Variants in GDPD1 observed in about 807,000 individuals in gnomAD.
GDPD1 encodes the protein lysophospholipase D GDPD1.
A neutral mutation model predicts 45.1 loss-of-function variants in GDPD1; 28 were observed. The ratio of observed to expected loss-of-function variants is 0.62; its 90% confidence interval spans 0.46 to 0.85. The LOEUF is 0.85. Among genes scored for constraint, GDPD1 ranks in the 40% least tolerant of loss-of-function variants. The pLI is 0.00. For synonymous variants in GDPD1, 139 were observed against 131.4 expected, an observed-to-expected ratio of 1.06 and a Z score of -0.40; for missense variants, 256 against 364.8, an observed-to-expected ratio of 0.70 and a Z score of 2.43.
At chr17:59,230,532 G>A (rs566566557) in intron 1 of GDPD1, among the ~76,000 whole-genome samples, 28 of 151,744 alleles carry the variant, frequency 1.8e-4, no homozygotes, top group Non-Finnish European at 3.8e-4. Flanking sequence ...ACAGGCATGC[G>A]CCACCATGCC....
intron 8 of GDPD1, among the ~76,000 whole-genome samples, 186 bp downstream of exon 8, chr17:59,271,181 G>T (rs1568352763): frequency 6.6e-6 from 1 of 152,162 alleles, no homozygotes; most frequent in Non-Finnish European, 1.5e-5. Flanking sequence ...ATCTTAGGAA[G>T]AATCTTGAGA....
At chr17:59,255,434 C>T (rs768574845) in intron 4 of GDPD1, among the ~76,000 whole-genome samples, 2 of 150,772 alleles carry the variant, frequency 1.3e-5, no homozygotes, top group African/African-American at 4.9e-5. Context: ...GAGACCCTGT[C>T]TCTACAAAAA....
intron 2 of GDPD1, among the ~76,000 whole-genome samples, chr17:59,235,966 A>G (rs1481512941): frequency 6.6e-6 from 1 of 152,204 alleles, no homozygotes; most frequent in Non-Finnish European, 1.5e-5. Flanking sequence ...TTTTATGTGT[A>G]CAAATTATAC....
chr17:59,227,959 C>T (rs2047059934), intron 1 of GDPD1, among the ~76,000 whole-genome samples: 1 of 152,000 alleles, frequency 6.6e-6, no homozygotes. Context: ...TGCTTGAGCT[C>T]AGGAGTTTGA....
intron 4 of GDPD1, among the ~76,000 whole-genome samples, chr17:59,250,285 A>G (rs1314921193): frequency 1.3e-5 from 2 of 152,184 alleles, no homozygotes; most frequent in East Asian, 3.9e-4. Flanking sequence ...AGTTTTTCCT[A>G]TTTTTCACTT....
intron 1 of GDPD1, among the ~76,000 whole-genome samples, chr17:59,232,551 G>A (rs1343374632): frequency 6.6e-6 from 1 of 152,080 alleles, no homozygotes; most frequent in Non-Finnish European, 1.5e-5. Context: ...TTGACCAATG[G>A]TGAAATAGCC....
intron 4 of GDPD1, among the ~76,000 whole-genome samples, chr17:59,252,343 A>G (rs2047261256): frequency 6.6e-6 from 1 of 151,364 alleles, no homozygotes; most frequent in Non-Finnish European, 1.5e-5. Flanking sequence ...GGTTCAAGCA[A>G]TCCTCCTGCC....
chr17:59,244,139 G>A lies in GDPD1; in HGVS notation c.186-1275G>A, dbSNP rs569915422. ...TTGGAAGAGGGCCAAGTGGTGACTT[G>A]AGAGATCAAGTGCCCAGTTTGACCT... On this transcript the variant is annotated intron_variant, in intron 2 of 9. Transcript: ENST00000284116. Among the ~76,000 whole-genome samples the A allele has an allele frequency of 6.6e-5, 10 of 152,314 alleles. No individual in the cohort carries two copies. The South Asian group carries it at 2.1e-3, about 32-fold the overall frequency.
chr17:59,222,795 G>A (rs1315720108), intron 1 of GDPD1, among the ~76,000 whole-genome samples: 1 of 152,096 alleles, frequency 6.6e-6, no homozygotes, highest in East Asian at 1.9e-4. Flanking sequence ...GATTACAGGC[G>A]TGAGACACTG....
intron 4 of GDPD1, among the ~76,000 whole-genome samples, chr17:59,255,812 CGCGTATATATAT>C (rs1568346821): frequency 1.5e-5 from 1 of 64,638 alleles, no homozygotes; most frequent in Non-Finnish European, 2.6e-5. Flanking sequence ...TATATATATA[CGCGTATATATAT>C]ATACGCGTAT....
At chr17:59,236,128 T>TTTTCTCC (rs1441722316) in intron 2 of GDPD1, among the ~76,000 whole-genome samples, 3 of 152,194 alleles carry the variant, frequency 2.0e-5, no homozygotes, top group Non-Finnish European at 4.4e-5. Flanking sequence ...ATTTTTTTGT[T>TTTTCTCC]AAATTTTTAC....
At chr17:59,230,344 T>C (rs1407469867) in intron 1 of GDPD1, among the ~76,000 whole-genome samples, 2 of 150,016 alleles carry the variant, frequency 1.3e-5, no homozygotes, top group African/African-American at 4.9e-5. Flanking sequence ...AAAGGAACTG[T>C]GAATATTGAA....
At chr17:59,246,709 CAAAAAAAAAAA>C (rs749077536) in intron 3 of GDPD1, among the ~76,000 whole-genome samples, 6 of 27,560 alleles carry the variant, frequency 2.2e-4, no homozygotes, top group East Asian at 1.4e-3. Context: ...GACTCCATCT[CAAAAAAAAAAA>C]AAAAAAAAAA....
At chr17:59,237,263 G>A (rs373821790) in intron 2 of GDPD1, among the ~76,000 whole-genome samples, 21 of 152,102 alleles carry the variant, frequency 1.4e-4, no homozygotes, top group African/African-American at 4.8e-4. Context: ...TTAACCGGGC[G>A]TGGTGGTGCA....
intron 7 of GDPD1, among the ~76,000 whole-genome samples, chr17:59,267,664 T>C (rs1379031400): frequency 2.0e-5 from 3 of 151,506 alleles, no homozygotes; most frequent in Non-Finnish European, 4.4e-5. Flanking sequence ...GTTTTTATAG[T>C]GGTTTTTTGT....
chr17:59,252,388 G>A (rs957570327), intron 4 of GDPD1, among the ~76,000 whole-genome samples: 9 of 151,310 alleles, frequency 5.9e-5, no homozygotes, highest in Admixed American at 2.0e-4. Flanking sequence ...ACAGGTGCCC[G>A]CCACCACTCC....
intron 1 of GDPD1, among the ~76,000 whole-genome samples, chr17:59,224,886 T>C (rs745971934): frequency 3.9e-5 from 6 of 152,102 alleles, no homozygotes; most frequent in Non-Finnish European, 8.8e-5. Context: ...AAGACTCATT[T>C]CCAACTACAT....
intron 4 of GDPD1, among the ~76,000 whole-genome samples, chr17:59,252,738 G>A (rs1400152578): frequency 6.7e-6 from 1 of 148,636 alleles, no homozygotes; most frequent in Non-Finnish European, 1.5e-5. Context: ...GGTGGCTCAC[G>A]CCTGTAATCC....
intron 2 of GDPD1, among the ~76,000 whole-genome samples, chr17:59,235,408 C>T (rs190383363): frequency 0.014 from 2,083 of 152,120 alleles, 18 homozygotes; most frequent in Non-Finnish European, 0.022. Context: ...ATTGTTTTTT[C>T]ATATTCTAGT....
Sources: allele counts gnomAD v4.1 joint callset (sites outside exome capture counted in the v4.1 genomes callset), GRCh38; gene constraint gnomAD v4.1.1; transcripts MANE v1.5; gene names NCBI Gene and HGNC (gene_info 2026-07-23, HGNC 2026-07-21).